The following EYS variants were observed in gnomAD, a reference collection of about 807,000 sequenced individuals.
EYS encodes the protein EGF-like photoreceptor maintenance factor.
Under a neutral mutation model 282.1 loss-of-function variants are expected in EYS, and 250 were observed. That is an observed-to-expected ratio of 0.89 (90% CI 0.80 to 0.98). The LOEUF (loss-of-function observed/expected upper bound fraction) is 0.98, where lower values mean the gene tolerates loss of function less well. EYS is among the 50% of genes least tolerant of loss of function. The probability of loss-of-function intolerance (pLI) is 0.00; values close to 1 mark genes in which losing one functional copy is unlikely to be tolerated. For synonymous variants in EYS, 1,355 were observed against 1,282.9 expected, an observed-to-expected ratio of 1.06 and a Z score of -1.20; for missense variants, 4,016 against 3,709.0, an observed-to-expected ratio of 1.08 and a Z score of -2.15.
chr6:65,687,333 T>C (rs928618522), intron 1 of EYS, among the ~76,000 whole-genome samples: 1 of 152,112 alleles, frequency 6.6e-6, no homozygotes, highest in African/African-American at 2.4e-5. Flanking sequence ...ACAGTCCAGT[T>C]GGAAATTTCC....
chr6:64,813,044 T>A (rs971887187), intron 22 of EYS, among the ~76,000 whole-genome samples: 1 of 151,896 alleles, frequency 6.6e-6, no homozygotes, highest in African/African-American at 2.4e-5. Flanking sequence ...TCTATAAATG[T>A]GAAATATTAG....
At chr6:64,703,528 G>A (rs982630269) in intron 22 of EYS, among the ~76,000 whole-genome samples, 1 of 145,956 alleles carries the variant, frequency 6.9e-6, no homozygotes, top group Non-Finnish European at 1.5e-5. Flanking sequence ...CACCTCCCGG[G>A]TTCAAGTGAT....
chr6:65,186,732 G>A (rs964603715), intron 12 of EYS, among the ~76,000 whole-genome samples: 9 of 151,602 alleles, frequency 5.9e-5, no homozygotes, highest in Non-Finnish European at 1.0e-4. Context: ...GAACGGTGTC[G>A]CCTCTTAGGT....
intron 29 of EYS, among the ~76,000 whole-genome samples, chr6:64,347,420 C>T (rs1390801483): frequency 6.6e-6 from 1 of 151,288 alleles, no homozygotes; most frequent in Non-Finnish European, 1.5e-5. Context: ...ATAAAATGTT[C>T]TGATCTTTGA....
At chr6:64,117,001 G>A (rs945619310) in intron 31 of EYS, among the ~76,000 whole-genome samples, 2 of 152,000 alleles carry the variant, frequency 1.3e-5, no homozygotes, top group East Asian at 3.9e-4. Flanking sequence ...TTCAGCATTG[G>A]ATAGGTTATC....
intron 33 of EYS, among the ~76,000 whole-genome samples, chr6:64,001,573 C>G (rs1173633490): frequency 6.6e-6 from 1 of 151,878 alleles, no homozygotes; most frequent in Non-Finnish European, 1.5e-5. Context: ...TTTTAGAAGA[C>G]CTGCCCAAAT....
chr6:65,069,697 T>C (rs559104573), intron 12 of EYS, among the ~76,000 whole-genome samples: 9 of 152,114 alleles, frequency 5.9e-5, no homozygotes, highest in African/African-American at 2.2e-4. Flanking sequence ...CATACCTGAG[T>C]AAACTCATAC....
intron 15 of EYS, among the ~76,000 whole-genome samples, chr6:64,929,299 G>A (rs1768627815): frequency 6.6e-6 from 1 of 152,076 alleles, no homozygotes. Flanking sequence ...GGTATACAGG[G>A]AGCTTTTTAC....
At chr6:64,327,152 G>T (rs1770457784) in intron 29 of EYS, among the ~76,000 whole-genome samples, 1 of 152,106 alleles carries the variant, frequency 6.6e-6, no homozygotes, top group South Asian at 2.1e-4. Context: ...GTGCTCTGAG[G>T]TGAATGTGGG....
chr6:64,318,716 T>G (rs1003911104), intron 29 of EYS, among the ~76,000 whole-genome samples: 3 of 151,758 alleles, frequency 2.0e-5, no homozygotes, highest in African/African-American at 4.8e-5. Context: ...ATTTTAAAAC[T>G]TATTTTAAAA....
chr6:63,725,285 A>G (rs1376077794), intron 42 of EYS, among the ~76,000 whole-genome samples: 1 of 152,060 alleles, frequency 6.6e-6, no homozygotes, highest in Non-Finnish European at 1.5e-5. Context: ...TTGCCCTCCT[A>G]TGTGTATTAG....
At chr6:65,194,299 A>C (rs1765713039) in intron 12 of EYS, among the ~76,000 whole-genome samples, 1 of 151,994 alleles carries the variant, frequency 6.6e-6, no homozygotes, top group Non-Finnish European at 1.5e-5. Context: ...CTACAGTTTG[A>C]TATTTCAAGT....
intron 12 of EYS, among the ~76,000 whole-genome samples, chr6:65,282,492 A>C (rs1768251448): frequency 6.6e-6 from 1 of 152,036 alleles, no homozygotes; most frequent in Non-Finnish European, 1.5e-5. Context: ...TAAAACAAAA[A>C]TAAGTTGTTA....
At chr6:64,677,899 C>T (rs893181602) in intron 22 of EYS, among the ~76,000 whole-genome samples, 4 of 151,010 alleles carry the variant, frequency 2.6e-5, no homozygotes, top group African/African-American at 7.3e-5. Flanking sequence ...TATATACCTA[C>T]TAGGTATACA....
intron 19 of EYS, among the ~76,000 whole-genome samples, chr6:64,871,258 T>C (rs1193102224): frequency 6.6e-6 from 1 of 151,502 alleles, no homozygotes; most frequent in Non-Finnish European, 1.5e-5. Context: ...AAGACCCTAA[T>C]GGATATTTTA....
At chr6:64,047,376 G>A (rs1770664722) in intron 33 of EYS, among the ~76,000 whole-genome samples, 3 of 152,058 alleles carry the variant, frequency 2.0e-5, no homozygotes, top group South Asian at 2.1e-4. Flanking sequence ...ATCAACGTGC[G>A]GTAGGGAAAA....
intron 22 of EYS, among the ~76,000 whole-genome samples, chr6:64,630,423 A>T (rs1767742044): frequency 6.6e-6 from 1 of 152,076 alleles, no homozygotes; most frequent in South Asian, 2.1e-4. Context: ...GACAGTTTTT[A>T]TGAGTGGAAA....
intron 30 of EYS, among the ~76,000 whole-genome samples, chr6:64,242,760 C>T (rs1369512448): frequency 6.6e-6 from 1 of 150,534 alleles, no homozygotes; most frequent in African/African-American, 2.4e-5. Context: ...TGAGGTTCCT[C>T]TGAGATTAAC....
At chr6:65,343,076 C>T (rs1174755248) in intron 10 of EYS, among the ~76,000 whole-genome samples, 3 of 151,066 alleles carry the variant, frequency 2.0e-5, no homozygotes, top group Non-Finnish European at 3.0e-5. Flanking sequence ...ATTAAGCTTA[C>T]TTCATATATT....
Sources: allele counts gnomAD v4.1 joint callset (sites outside exome capture counted in the v4.1 genomes callset), GRCh38; gene constraint gnomAD v4.1.1; transcripts MANE v1.5; gene names NCBI Gene and HGNC (gene_info 2026-07-23, HGNC 2026-07-21).